Variants in MGAT4C observed in about 807,000 individuals in gnomAD.
MGAT4C encodes the protein alpha-1,3-mannosyl-glycoprotein 4-beta-N-acetylglucosaminyltransferase C.
Under a neutral mutation model 40.1 loss-of-function variants are expected in MGAT4C, and 19 were observed. The observed-to-expected ratio is 0.47, with a 90% confidence interval of 0.33 to 0.70. MGAT4C has a LOEUF of 0.70. Among genes scored for constraint, MGAT4C ranks in the 30% least tolerant of loss-of-function variants. MGAT4C has a pLI of 0.02. For missense variants in MGAT4C, 491 were observed against 563.2 expected, an observed-to-expected ratio of 0.87 and a Z score of 1.30; for synonymous variants, 181 against 187.1, an observed-to-expected ratio of 0.97 and a Z score of 0.27.
intron 2 of MGAT4C, among the ~76,000 whole-genome samples, chr12:86,487,278 G>C (rs1958036027): frequency 6.6e-6 from 1 of 152,102 alleles, no homozygotes; most frequent in African/African-American, 2.4e-5. Context: ...TAATGCCTTA[G>C]AGCTAGTTTT....
intron 3 of MGAT4C, among the ~76,000 whole-genome samples, chr12:86,351,512 C>A (rs2136192257): frequency 6.6e-6 from 1 of 152,008 alleles, no homozygotes; most frequent in African/African-American, 2.4e-5. Flanking sequence ...ACACATAATC[C>A]TATTATCCTA....
chr12:86,576,816 C>T (rs1056361431), intron 2 of MGAT4C, among the ~76,000 whole-genome samples: 1 of 151,596 alleles, frequency 6.6e-6, no homozygotes, highest in Non-Finnish European at 1.5e-5. Flanking sequence ...GTTTTCTTTA[C>T]TTCCATATTC....
At chr12:86,276,877 A>C (rs147960332) in intron 4 of MGAT4C, among the ~76,000 whole-genome samples, 2,933 of 152,300 alleles carry the variant, frequency 0.019, 43 homozygotes, top group Middle Eastern at 0.041. Context: ...GCTATTATAA[A>C]TAGTGCTGCA....
At chr12:86,566,077 G>A (rs1020506346) in intron 2 of MGAT4C, among the ~76,000 whole-genome samples, 2 of 152,098 alleles carry the variant, frequency 1.3e-5, no homozygotes, top group African/African-American at 4.8e-5. Context: ...CTTCTATCAC[G>A]GAAAGGGCAG....
At chr12:86,447,848 C>A (rs1410058796) in intron 2 of MGAT4C, among the ~76,000 whole-genome samples, 1 of 152,172 alleles carries the variant, frequency 6.6e-6, no homozygotes, top group Non-Finnish European at 1.5e-5. Context: ...CAAGTATACT[C>A]CTCCTCCATA....
chr12:85,983,102 G>A (rs528550220), intron 4 of MGAT4C, among the ~76,000 whole-genome samples: 3 of 151,990 alleles, frequency 2.0e-5, no homozygotes, highest in Admixed American at 2.0e-4. Flanking sequence ...GTGGTAATTC[G>A]TTATGGCAGA....
At chr12:86,326,901 T>C (rs912413840) in intron 4 of MGAT4C, among the ~76,000 whole-genome samples, 40 of 152,130 alleles carry the variant, frequency 2.6e-4, no homozygotes, top group Non-Finnish European at 8.8e-5. Flanking sequence ...ATAAGCTAGT[T>C]AAGAAGGATG....
At chr12:86,430,941 C>T (rs568544319) in intron 3 of MGAT4C, among the ~76,000 whole-genome samples, 1 of 152,150 alleles carries the variant, frequency 6.6e-6, no homozygotes, top group African/African-American at 2.4e-5. Context: ...GTGGGAAGTT[C>T]CTTGCCTGGG....
rs182705616 is a variant in MGAT4C, at chr12:86,308,942, C to T, written c.-57+25123G>A. Among the ~76,000 whole-genome samples, 4 of 150,486 alleles carry T rather than the reference C, an allele frequency of 2.7e-5. No homozygotes were observed. The Middle Eastern group carries it at 0.014, about 512-fold the overall frequency. ...GAAAGTTTGAACTGATTATCTGTAACCAGAGAGCTATATTTTTTGAAGAGA... is the reference window on the plus strand; with the variant it reads ...GAAAGTTTGAACTGATTATCTGTAATCAGAGAGCTATATTTTTTGAAGAGA... On this transcript the variant is annotated intron_variant, in intron 4 of 7. Coordinates refer to the MGAT4C transcript ENST00000548651.
In MGAT4C at chr12:86,379,078, G is replaced by A. The variant is rs147205614; in HGVS notation, c.-119-44951C>T. 9.5e-4 allele frequency among the ~76,000 whole-genome samples: 144 copies of A among 152,070 alleles called. 1 individual carries two copies. Among genetic ancestry groups the A allele is most frequent in the African/African-American group, 3.1e-3 (130 of 41,520 alleles). On this transcript the variant is annotated intron_variant, in intron 3 of 7. Coordinates refer to the MGAT4C transcript ENST00000548651. ...TTATTTGTCCATTAAAAATACAATTGAACAATATCTTAGGCAAGTAGTATA... is the reference window on the plus strand; with the variant it reads ...TTATTTGTCCATTAAAAATACAATTAAACAATATCTTAGGCAAGTAGTATA...
At chr12:86,250,973 A>G (rs1044660665) in intron 1 of MGAT4C, among the ~76,000 whole-genome samples, 1 of 152,034 alleles carries the variant, frequency 6.6e-6, no homozygotes, top group Non-Finnish European at 1.5e-5. Flanking sequence ...CAGACACATA[A>G]TACTAAGCAA....
At chr12:86,003,574 G>A (rs1325262982) in intron 2 of MGAT4C, among the ~76,000 whole-genome samples, 3 of 152,178 alleles carry the variant, frequency 2.0e-5, no homozygotes, top group Non-Finnish European at 4.4e-5. Context: ...TAACAGGGAA[G>A]TAAATTGAGA....
chr12:86,712,253 C>T (rs1408648649), intron 2 of MGAT4C, among the ~76,000 whole-genome samples: 2 of 152,012 alleles, frequency 1.3e-5, no homozygotes. Flanking sequence ...ATTTATGCTT[C>T]TTTACCCTGC....
At chr12:86,603,539 T>C (rs1593034162) in intron 2 of MGAT4C, among the ~76,000 whole-genome samples, 2 of 13,272 alleles carry the variant, frequency 1.5e-4, no homozygotes, top group African/African-American at 2.7e-4. Context: ...ATATAGTCTA[T>C]AGACTATAGA....
intron 1 of MGAT4C, among the ~76,000 whole-genome samples, chr12:86,139,622 C>T (rs1351335794): frequency 6.6e-6 from 1 of 151,584 alleles, no homozygotes; most frequent in Non-Finnish European, 1.5e-5. Flanking sequence ...AACTTAATAA[C>T]TAACATGAAT....
intron 1 of MGAT4C, among the ~76,000 whole-genome samples, chr12:86,203,941 G>C (rs1204875561): frequency 7.5e-6 from 1 of 133,250 alleles, no homozygotes; most frequent in East Asian, 2.0e-4. Context: ...TGGGCAACGA[G>C]AGCGAAACTT....
intron 1 of MGAT4C, among the ~76,000 whole-genome samples, chr12:86,153,838 A>C (rs1884594808): frequency 6.6e-6 from 1 of 152,200 alleles, no homozygotes; most frequent in Non-Finnish European, 1.5e-5. Context: ...ATTCCTTTGT[A>C]AATTTCCCAG....
chr12:86,529,079 CA>C (rs1220617809), intron 2 of MGAT4C, among the ~76,000 whole-genome samples: 1 of 151,986 alleles, frequency 6.6e-6, no homozygotes, highest in Non-Finnish European at 1.5e-5. Context: ...ACAACAACAA[CA>C]AAAATGGGAA....
chr12:86,060,195 A>T (rs1893802261), intron 1 of MGAT4C, among the ~76,000 whole-genome samples: 1 of 152,184 alleles, frequency 6.6e-6, no homozygotes, highest in Non-Finnish European at 1.5e-5. Flanking sequence ...GTAGGCCCCT[A>T]GGTAGACTGA....
Sources: gnomAD v4.1 joint callset for allele counts (sites outside exome capture counted in the v4.1 genomes callset) on GRCh38, gnomAD v4.1.1 for gene constraint, MANE v1.5 for transcripts, NCBI Gene and HGNC (gene_info 2026-07-23, HGNC 2026-07-21) for gene names.